Variants in PHACTR1 observed in about 807,000 individuals in gnomAD.
The protein encoded by PHACTR1 is RPEL repeat containing 1.
PHACTR1 carries 16 observed loss-of-function variants against 69.2 expected under a neutral mutation model. That is an observed-to-expected ratio of 0.23 (90% CI 0.16 to 0.35). PHACTR1 has a LOEUF of 0.35. PHACTR1 is among the 10% of genes least tolerant of loss of function. PHACTR1 has a pLI of 1.00. For missense variants in PHACTR1, 510 were observed against 734.7 expected (o/e 0.69, Z 3.54); for synonymous variants, 312 against 284.5 (o/e 1.10, Z -0.97).
chr6:13,276,597 C>T (rs563040736), intron 11 of PHACTR1, among the ~76,000 whole-genome samples: 2 of 152,068 alleles, frequency 1.3e-5, no homozygotes, highest in Non-Finnish European at 2.9e-5. Context: ...TATGGTGAAA[C>T]CCCATCTCTA....
chr6:12,957,881 A>G (rs1242257809), intron 4 of PHACTR1: 2 of 985,214 alleles, frequency 2.0e-6, no homozygotes, highest in East Asian at 2.3e-4. Flanking sequence ...CCTGGCACCG[A>G]GAGGCTGCAT....
intron 7 of PHACTR1, among the ~76,000 whole-genome samples, chr6:13,198,696 T>A (rs1412863151): frequency 6.6e-6 from 1 of 152,142 alleles, no homozygotes; most frequent in East Asian, 1.9e-4. Flanking sequence ...TTTACCATTT[T>A]GTGTCGGGCC....
chr6:12,870,284 C>T (rs897205259), intron 4 of PHACTR1, among the ~76,000 whole-genome samples: 3 of 152,242 alleles, frequency 2.0e-5, no homozygotes, highest in Non-Finnish European at 4.4e-5. Context: ...TTGACACTCT[C>T]ATTTCAGGCA....
intron 6 of PHACTR1, among the ~76,000 whole-genome samples, chr6:13,163,513 A>G (rs912242731): frequency 6.6e-6 from 1 of 152,208 alleles, no homozygotes; most frequent in Admixed American, 6.5e-5. Context: ...AAAAATGTTT[A>G]CTGTTTGGAT....
rs371217614 is a variant in PHACTR1, at chr6:12,757,028, G to A, written c.250+7238G>A. 6.6e-5 allele frequency among the ~76,000 whole-genome samples: 10 copies of A among 152,138 alleles called. No homozygotes were observed. In the East Asian group the frequency reaches 1.3e-3, roughly 20 times the overall value. Reference sequence around the variant, plus strand: ...CAAAAGTGGATTATGAGCAAGAAACGTTAGATATATCAGTAAATTGTATTG... The same window carrying A: ...CAAAAGTGGATTATGAGCAAGAAACATTAGATATATCAGTAAATTGTATTG... On this transcript the variant is annotated intron_variant, in intron 4 of 14. Coordinates refer to ENST00000332995, the MANE Select transcript of PHACTR1 (RefSeq NM_030948.6).
intron 4 of PHACTR1, among the ~76,000 whole-genome samples, chr6:12,982,543 G>A (rs1795648778): frequency 1.3e-5 from 2 of 152,278 alleles, no homozygotes; most frequent in African/African-American, 2.4e-5. Context: ...GCCAGGTGTG[G>A]TGGCAAGCCC....
intron 5 of PHACTR1, among the ~76,000 whole-genome samples, chr6:13,086,443 A>G (rs1812319818): frequency 6.6e-6 from 1 of 152,146 alleles, no homozygotes; most frequent in African/African-American, 2.4e-5. Flanking sequence ...CAATCAAGAT[A>G]CAGAACAGTT....
chr6:13,250,810 G>T (rs1457889510), intron 10 of PHACTR1, among the ~76,000 whole-genome samples: 1 of 152,154 alleles, frequency 6.6e-6, no homozygotes, highest in African/African-American at 2.4e-5. Context: ...AGGTCTGGGC[G>T]CAAGACAGGT....
rs771796074 is a variant in PHACTR1, at chr6:13,283,602, G to C, written c.1650+40G>C. 1 of 1,613,110 alleles carries C rather than the reference G, an allele frequency of 6.2e-7. No individual in the cohort carries two copies. The highest frequency in any genetic ancestry group is 8.5e-7 in the Non-Finnish European group (1 of 1,179,758). Reference sequence around the variant, plus strand: ...GTGCTGGAGAGTGGGAGGCAGGACCGTCTGCTGGGTCTCGCTGGGCTCACC... The same window carrying C: ...GTGCTGGAGAGTGGGAGGCAGGACCCTCTGCTGGGTCTCGCTGGGCTCACC... On this transcript the variant is annotated intron_variant, in intron 13 of 14. Transcript: ENST00000332995. This position sits in a 1 kb window ranked among gnomAD's most constrained non-coding sequence, Gnocchi z 4.7.
At chr6:13,052,800 CA>C (rs1806151813) in intron 4 of PHACTR1, among the ~76,000 whole-genome samples, 1 of 152,042 alleles carries the variant, frequency 6.6e-6, no homozygotes, top group African/African-American at 2.4e-5. Context: ...TGAGTGACTC[CA>C]AAATCGATCA....
chr6:13,067,958 T>A (rs1357049545), intron 5 of PHACTR1, among the ~76,000 whole-genome samples: 2 of 152,112 alleles, frequency 1.3e-5, no homozygotes, highest in Non-Finnish European at 1.5e-5. Flanking sequence ...GACTGCTGAG[T>A]TATCTTGGCC....
chr6:12,952,729 C>T (rs1791440132), intron 4 of PHACTR1, among the ~76,000 whole-genome samples: 1 of 151,372 alleles, frequency 6.6e-6, no homozygotes, highest in Non-Finnish European at 1.5e-5. Context: ...GTGTAGATAC[C>T]AAGGAACAGG....
chr6:12,889,863 G>A (rs9472829), intron 4 of PHACTR1, among the ~76,000 whole-genome samples: 6,140 of 149,710 alleles, frequency 0.041, 400 homozygotes, highest in African/African-American at 0.14. Flanking sequence ...GCTATCTGGG[G>A]GCTTGTAAAC....
At chr6:12,961,582 T>C (rs1304118171) in intron 4 of PHACTR1, among the ~76,000 whole-genome samples, 3 of 152,334 alleles carry the variant, frequency 2.0e-5, no homozygotes, top group South Asian at 2.1e-4. Flanking sequence ...TGATAACTAT[T>C]TGGGATTAAA....
At chr6:12,987,167 G>A (rs1259198353) in intron 4 of PHACTR1, among the ~76,000 whole-genome samples, 1 of 152,140 alleles carries the variant, frequency 6.6e-6, no homozygotes, top group Admixed American at 6.5e-5. Flanking sequence ...GAAAGATACA[G>A]AATATTAAGG....
At chr6:13,232,666 C>T (rs546998866) in intron 10 of PHACTR1, among the ~76,000 whole-genome samples, 28 of 152,272 alleles carry the variant, frequency 1.8e-4, no homozygotes, top group African/African-American at 6.5e-4. Flanking sequence ...TCCCCCATAA[C>T]ATGGCATGCT....
At chr6:13,251,215 A>C (rs1281888006) in intron 10 of PHACTR1, among the ~76,000 whole-genome samples, 8 of 152,200 alleles carry the variant, frequency 5.3e-5, no homozygotes, top group Admixed American at 5.2e-4. Flanking sequence ...TTAGAGACAC[A>C]TCGGGTGGGA....
chr6:12,770,246 A>G (rs969028162), intron 4 of PHACTR1, among the ~76,000 whole-genome samples: 9 of 152,212 alleles, frequency 5.9e-5, no homozygotes, highest in African/African-American at 1.7e-4. Context: ...ACAGTCATCT[A>G]TTTAGCATCT....
intron 6 of PHACTR1, among the ~76,000 whole-genome samples, chr6:13,178,933 T>A (rs1426779767): frequency 6.6e-6 from 1 of 152,202 alleles, no homozygotes; most frequent in Non-Finnish European, 1.5e-5. Flanking sequence ...CTGGTAAAGA[T>A]GCTAATAAAC....
Sources: allele counts gnomAD v4.1 joint callset (sites outside exome capture counted in the v4.1 genomes callset), GRCh38; gene constraint gnomAD v4.1.1; non-coding constraint Gnocchi (gnomAD v3.1); transcripts MANE v1.5; gene names NCBI Gene and HGNC (gene_info 2026-07-23, HGNC 2026-07-21).